Variants in GARIN3 observed in about 807,000 individuals in gnomAD.
GARIN3 encodes the protein Golgi-associated RAB2 interactor protein 3.
At chr5:157,162,717 C>T in the GARIN3 span, 185 of 1,614,126 alleles carry the variant, frequency 1.1e-4, no homozygotes, top group Non-Finnish European at 1.5e-4. Context: ...ATTGGTTCTT[C>T]CCCAGTTCCT....
chr5:157,162,803 C>G, the GARIN3 span: 1 of 1,614,200 alleles, frequency 6.2e-7, no homozygotes. Context: ...TTGCCCCTTA[C>G]GTTGCTGTAC....
chr5:157,165,765 T>C, the GARIN3 span: 4 of 1,614,074 alleles, frequency 2.5e-6, no homozygotes, highest in African/African-American at 1.3e-5. Flanking sequence ...CTGTTTCTCA[T>C]GATCGTGGAT....
the GARIN3 span, chr5:157,163,119 G>T: frequency 3.1e-6 from 5 of 1,614,228 alleles, no homozygotes; most frequent in Admixed American, 1.7e-5. Flanking sequence ...CACACTTGCT[G>T]GTCGTAATAC....
At chr5:157,162,234 G>A in the GARIN3 span, 1 of 679,142 alleles carries the variant, frequency 1.5e-6, no homozygotes, top group Non-Finnish European at 2.4e-6. Flanking sequence ...TACTTGCCTG[G>A]AGGCTGGGGT....
At chr5:157,162,457 T>C in the GARIN3 span, 1 of 1,613,554 alleles carries the variant, frequency 6.2e-7, no homozygotes, top group Non-Finnish European at 8.5e-7. Flanking sequence ...TTAAATGGAT[T>C]TGGTTTCAAA....
the GARIN3 span, chr5:157,165,688 G>C: frequency 3.1e-6 from 5 of 1,614,182 alleles, no homozygotes; most frequent in East Asian, 6.7e-5. Flanking sequence ...AGATCTTCCC[G>C]TGTGTCAGAA....
At chr5:157,165,498 G>C in the GARIN3 span, 1 of 1,529,638 alleles carries the variant, frequency 6.5e-7, no homozygotes, top group Non-Finnish European at 8.7e-7. Context: ...AGGCTTTGTA[G>C]GACTGGCTTT....
At chr5:157,165,593 G>T in the GARIN3 span, 2 of 1,613,276 alleles carry the variant, frequency 1.2e-6, no homozygotes, top group Non-Finnish European at 1.7e-6. Flanking sequence ...CGGGTGGTGC[G>T]TCCCCAGATA....
the GARIN3 span, chr5:157,163,323 C>G: frequency 6.2e-7 from 1 of 1,614,092 alleles, no homozygotes; most frequent in Non-Finnish European, 8.5e-7. Context: ...TAGCTGCTCC[C>G]GCCAGCGCTG....
At chr5:157,166,152 C>T in the GARIN3 span, 1 of 1,610,780 alleles carries the variant, frequency 6.2e-7, no homozygotes, top group Non-Finnish European at 8.5e-7. Context: ...ATAAGGTAAA[C>T]AAGATTCATT....
the GARIN3 span, chr5:157,166,080 CGTT>C: frequency 6.2e-7 from 1 of 1,614,154 alleles, no homozygotes; most frequent in African/African-American, 1.3e-5. Flanking sequence ...GTACAATTGT[CGTT>C]GCAGGTCCCC....
At chr5:157,162,559 T>G in the GARIN3 span, 39 of 1,614,042 alleles carry the variant, frequency 2.4e-5, no homozygotes, top group East Asian at 8.5e-4. Context: ...GGCCTCTATG[T>G]TTTGCTTCTC....
the GARIN3 span, chr5:157,161,928 TAGA>T: frequency 6.5e-6 from 1 of 153,414 alleles, no homozygotes; most frequent in East Asian, 1.9e-4. Context: ...ATTCCTGATC[TAGA>T]AGAATAGATT....
At chr5:157,164,146 C>CTTTTTTTT in the GARIN3 span, among the ~76,000 whole-genome samples, 5 of 127,218 alleles carry the variant, frequency 3.9e-5, no homozygotes, top group African/African-American at 8.9e-5. Flanking sequence ...AGTCTTTTGT[C>CTTTTTTTT]TTTTTTTTTT....
chr5:157,163,315 G>T, the GARIN3 span: 1 of 1,614,134 alleles, frequency 6.2e-7, no homozygotes, highest in South Asian at 1.1e-5. Context: ...ATTTTTGATA[G>T]CTGCTCCCGC....
chr5:157,165,093 G>C, the GARIN3 span, among the ~76,000 whole-genome samples: 1 of 152,128 alleles, frequency 6.6e-6, no homozygotes, highest in East Asian at 1.9e-4. Flanking sequence ...GAGGGGGTGA[G>C]GGATGGGAAA....
At chr5:157,165,947 G>A in the GARIN3 span, 33 of 1,614,158 alleles carry the variant, frequency 2.0e-5, no homozygotes, top group East Asian at 4.0e-4. Context: ...TGGTGCAGAC[G>A]ATGCCCACTG....
chr5:157,162,860 AC>A, the GARIN3 span: 3 of 1,613,934 alleles, frequency 1.9e-6, no homozygotes, highest in South Asian at 2.2e-5. Flanking sequence ...CCAGATGCGG[AC>A]CGGTGGGAAG....
the GARIN3 span, chr5:157,162,104 G>A: frequency 9.4e-6 from 3 of 318,060 alleles, no homozygotes; most frequent in Non-Finnish European, 1.7e-5. Context: ...GGGACATGGT[G>A]GTGGCCATGC....
Sources: gnomAD v4.1 joint callset for allele counts (sites outside exome capture counted in the v4.1 genomes callset) on GRCh38, gnomAD v4.1.1 for gene constraint, MANE v1.5 for transcripts, NCBI Gene and HGNC (gene_info 2026-07-23, HGNC 2026-07-21) for gene names.